C6orf62: variants seen among roughly 807,000 people sequenced by gnomAD.
The protein encoded by C6orf62 is chromosome 6 open reading frame 62.
In C6orf62, 16 loss-of-function variants were observed where a neutral mutation model predicts 26.8. The observed-to-expected ratio is 0.60, with a 90% confidence interval of 0.40 to 0.91. The LOEUF (loss-of-function observed/expected upper bound fraction) is 0.91. Ranked by LOEUF, C6orf62 falls within the 40% of genes least tolerant of loss-of-function variation. The probability of loss-of-function intolerance (pLI) is 0.00; values close to 1 mark genes in which losing one functional copy is unlikely to be tolerated. For missense variants in C6orf62, 192 were observed against 271.4 expected (o/e 0.71, Z 2.06); for synonymous variants, 112 against 91.5 (o/e 1.22, Z -1.28).
chr6:24,714,540 G>A (rs536842364), intron 2 of C6orf62, 100 bp from the exon 3 acceptor site: 5 of 793,892 alleles, frequency 6.3e-6, no homozygotes, highest in African/African-American at 1.8e-5. Context: ...CATTTTATAA[G>A]TACAAAAGAT....
chr6:24,713,598 TAAG>T (rs1241356575), intron 3 of C6orf62, among the ~76,000 whole-genome samples: 4 of 152,124 alleles, frequency 2.6e-5, no homozygotes, highest in African/African-American at 4.8e-5. Context: ...AAAGTATACT[TAAG>T]AAAATCGTGG....
At position 24,708,846 on chromosome 6, in the gene C6orf62, G is replaced by A. The variant is rs1006025480; in HGVS notation, c.495C>T (p.Asp165=). 1.9e-6 allele frequency: 3 copies of A among 1,614,168 alleles called. No homozygotes were observed. The highest frequency in any genetic ancestry group is 2.7e-5 in the African/African-American group (2 of 75,032). ...GATTGTTGACAACGATTCCAGTCTT[G>A]TCCTTGCGGCTCAGTACATGCAGAA... ...KQFLHVLSRK[D]KTGIVVNNPN... Residue 165 remains aspartate, a synonymous_variant, in exon 4 of 5, where the codon GAC becomes GAT. Coordinates refer to ENST00000378119, the MANE Select transcript of C6orf62 (RefSeq NM_030939.5).
chr6:24,711,127 C>T (rs1382162682), intron 3 of C6orf62, among the ~76,000 whole-genome samples: 1 of 152,116 alleles, frequency 6.6e-6, no homozygotes, highest in Admixed American at 6.5e-5. Context: ...GGTGCAAGAA[C>T]CGGTAACCAC....
chr6:24,707,260 C>CCTTG (rs1225128221), intron 4 of C6orf62: 1 of 152,156 alleles, frequency 6.6e-6, no homozygotes, highest in Non-Finnish European at 1.5e-5. Flanking sequence ...ACAGCAGTTA[C>CCTTG]CTGTCCAAGA....
chr6:24,710,807 C>T (rs968968025), intron 3 of C6orf62, among the ~76,000 whole-genome samples: 2 of 151,740 alleles, frequency 1.3e-5, no homozygotes, highest in Non-Finnish European at 2.9e-5. Context: ...GAGACCAGCC[C>T]GGGCAACACA....
intron 4 of C6orf62, 120 bp downstream of exon 4, chr6:24,708,657 A>G (rs1411670129): frequency 5.1e-6 from 7 of 1,383,020 alleles, no homozygotes; most frequent in Non-Finnish European, 7.0e-6. Context: ...CTTTTTAAAT[A>G]ACTTCAAAAA....
chr6:24,716,946 C>T (rs985838787), intron 1 of C6orf62, among the ~76,000 whole-genome samples: 39 of 152,150 alleles, frequency 2.6e-4, no homozygotes, highest in East Asian at 1.9e-4. Flanking sequence ...TGGCCTTGAA[C>T]TCCTGACCTC....
At chr6:24,716,511 T>C (rs546535033) in intron 1 of C6orf62, among the ~76,000 whole-genome samples, 187 bp from the exon 2 acceptor site, 40 of 152,258 alleles carry the variant, frequency 2.6e-4, no homozygotes, top group African/African-American at 9.4e-4. Context: ...CCTCCAACCA[T>C]ACATGTACAA....
chr6:24,714,551 C>G, intron 2 of C6orf62, 111 bp from the exon 3 acceptor site: 1 of 685,140 alleles, frequency 1.5e-6, no homozygotes. Context: ...TACAAAAGAT[C>G]TACCATATAT....
At position 24,705,459 on chromosome 6, in the gene C6orf62, T is replaced by C. The variant is rs1349939884; in HGVS notation, c.*678A>G. 6.6e-6 allele frequency: 1 copy of C among 152,428 alleles called. No homozygotes were observed. Among genetic ancestry groups the C allele is most frequent in the Non-Finnish European group, 1.5e-5 (1 of 68,022 alleles). 9.4% of individuals were successfully genotyped at this position (152,428 alleles called of 1,614,324 possible). ...ATCTGCTTTAATGTGTATAACTGCA[T>C]CCACACGCAGCAGAATACTCTTACA... On this transcript the variant is annotated 3_prime_UTR_variant, in exon 5 of 5. Transcript: ENST00000378119.
chr6:24,713,383 G>A (rs577231496), intron 3 of C6orf62, among the ~76,000 whole-genome samples: 63 of 152,180 alleles, frequency 4.1e-4, no homozygotes, highest in Non-Finnish European at 7.1e-4. Context: ...CTTATGTGTA[G>A]CAACATTACC....
chr6:24,707,256 G>A (rs1281679105), intron 4 of C6orf62: 1 of 152,096 alleles, frequency 6.6e-6, no homozygotes, highest in Non-Finnish European at 1.5e-5. Flanking sequence ...GCTCACAGCA[G>A]TTACCTGTCC....
intron 3 of C6orf62, chr6:24,709,777 C>T (rs150830351): frequency 1.0e-6 from 1 of 985,434 alleles, no homozygotes; most frequent in East Asian, 1.1e-4. Context: ...CATGGTGAGA[C>T]ACCAAATGCT....
At chr6:24,709,336 TC>T in intron 3 of C6orf62, 1 of 985,306 alleles carries the variant, frequency 1.0e-6, no homozygotes, top group Non-Finnish European at 1.2e-6. Context: ...AGTCCAAGAC[TC>T]CCACCATAGT....
Position 24,708,863 on chromosome 6 carries a change from C to T in C6orf62, c.478G>A (p.Val160Ile), listed in dbSNP as rs1779066387. The T allele has an allele frequency of 1.2e-6, 2 of 1,614,084 alleles. No individual in the cohort carries two copies. The highest frequency in any genetic ancestry group is 1.7e-5 in the Admixed American group (1 of 60,002). Residue 160 changes from valine (V) to isoleucine (I), a missense_variant, in exon 4 of 5, where the codon GTA (valine) becomes ATA (isoleucine). Coordinates refer to ENST00000378119, the MANE Select transcript of C6orf62 (RefSeq NM_030939.5). ...HGDYEKQFLH[V>I]LSRKDKTGIV... Reference sequence around the variant, plus strand: ...CCAGTCTTGTCCTTGCGGCTCAGTACATGCAGAAACTGTTTTTCATAGTCA... The same window carrying T: ...CCAGTCTTGTCCTTGCGGCTCAGTATATGCAGAAACTGTTTTTCATAGTCA...
chr6:24,714,273 A>G, intron 3 of C6orf62, 45 bp downstream of exon 3: 7 of 1,496,446 alleles, frequency 4.7e-6, no homozygotes, highest in South Asian at 1.3e-5. Context: ...ATATTCTAGT[A>G]GTTTTCACAT....
At chr6:24,719,696 C>G (rs1562173028), upstream of C6orf62, 2 of 1,486,372 alleles carry the variant, frequency 1.3e-6, no homozygotes, top group East Asian at 2.5e-5. Context: ...TGTGGATCTG[C>G]CCCCGTTCAA....
intron 2 of C6orf62, among the ~76,000 whole-genome samples, chr6:24,714,741 G>A (rs573119646): frequency 1.2e-4 from 18 of 152,146 alleles, no homozygotes; most frequent in South Asian, 4.2e-4. Flanking sequence ...TTAGCCTCCC[G>A]AATGGCTGGG....
chr6:24,718,923 G>A lies in C6orf62; in HGVS notation c.-255C>T. 2.4e-6 allele frequency: 3 copies of A among 1,274,182 alleles called. No homozygotes were observed. The highest frequency in any genetic ancestry group is 3.9e-5 in the East Asian group (1 of 25,472). The allele number at this position is 1,274,182 out of a possible 1,614,324, so 78.9% of individuals were successfully genotyped here. A position where few individuals can be genotyped will look rare whatever the true frequency, so the allele number is the denominator to read the frequency against. On this transcript the variant is annotated 5_prime_UTR_variant, in exon 1 of 5. Coordinates refer to ENST00000378119, the MANE Select transcript of C6orf62 (RefSeq NM_030939.5). ...ACGTTTGGGGTCAGACGGGAAAAAG[G>A]GAGGAAAGAAAGGAAAGAAAGAGGA...
Sources: gnomAD v4.1 joint callset for allele counts (sites outside exome capture counted in the v4.1 genomes callset) on GRCh38, gnomAD v4.1.1 for gene constraint, MANE v1.5 for transcripts, NCBI Gene and HGNC (gene_info 2026-07-23, HGNC 2026-07-21) for gene names.